The following CCSER2 variants were observed in gnomAD, a reference collection of about 807,000 sequenced individuals.
CCSER2 encodes the protein coiled-coil serine rich protein 2.
In CCSER2, 46 loss-of-function variants were observed where a neutral mutation model predicts 92.3. That is an observed-to-expected ratio of 0.50 (90% CI 0.39 to 0.64). The LOEUF (loss-of-function observed/expected upper bound fraction) is 0.64, where lower values mean the gene tolerates loss of function less well. CCSER2 is among the 30% of genes least tolerant of loss of function. CCSER2 has a pLI of 0.00. For synonymous variants in CCSER2, 433 were observed against 431.4 expected (o/e 1.00, Z -0.04); for missense variants, 1,244 against 1,238.9 (o/e 1.00, Z -0.06).
chr10:84,506,141 T>TAA (rs3044062), intron 9 of CCSER2, among the ~76,000 whole-genome samples: 51,078 of 145,760 alleles, frequency 0.35, 10,427 homozygotes, highest in Non-Finnish European at 0.47. Context: ...CTTTGATACT[T>TAA]AAAAAAAAAA....
chr10:84,373,552 A>G, intron 2 of CCSER2, 67 bp from the exon 3 acceptor site: 1 of 1,207,024 alleles, frequency 8.3e-7, no homozygotes, highest in South Asian at 1.4e-5. Context: ...AATTATTAGC[A>G]CTTATATTTT....
At position 84,484,454 on chromosome 10, in the gene CCSER2, T is replaced by A. The variant is rs181920736; in HGVS notation, c.2325+6790T>A. On this transcript the variant is annotated intron_variant, in intron 9 of 9. Transcript: ENST00000372088. Reference sequence around the variant, plus strand: ...TTTAAATTTTAATGAGCCCATTTATTTCTCTGGAGAGACGTTGCATGCATG... The same window carrying A: ...TTTAAATTTTAATGAGCCCATTTATATCTCTGGAGAGACGTTGCATGCATG... Among the ~76,000 whole-genome samples the A allele has an allele frequency of 4.6e-5, 7 of 151,710 alleles. No individual in the cohort carries two copies. The East Asian group carries it at 1.4e-3, about 29-fold the overall frequency.
At chr10:84,378,432 A>ATTTTTT (rs386371982) in intron 3 of CCSER2, among the ~76,000 whole-genome samples, 3 of 135,936 alleles carry the variant, frequency 2.2e-5, no homozygotes, top group Non-Finnish European at 4.7e-5. Flanking sequence ...TTAAAATTAA[A>ATTTTTT]TTTTTTTTTT....
intron 1 of CCSER2, among the ~76,000 whole-genome samples, 163 bp downstream of exon 1, chr10:84,328,971 CCCTCGCG>C (rs1564569109): frequency 6.6e-6 from 1 of 151,724 alleles, no homozygotes; most frequent in Non-Finnish European, 1.5e-5. Flanking sequence ...CCTCTCTAGC[CCCTCGCG>C]AGCCGCCGGA....
rs1028942695 is a variant in CCSER2 at position 84,464,001 on chromosome 10, T to C, written c.2133T>C (p.Gly711=). The C allele has an allele frequency of 2.5e-6, 4 of 1,602,962 alleles. No individual in the cohort carries two copies. The highest frequency in any genetic ancestry group is 1.3e-5 in the African/African-American group (1 of 74,676). Residue 711 remains glycine (G), a synonymous_variant, in exon 7 of 10, where the codon GGT becomes GGC. Transcript: ENST00000372088. ...CATCCAGTCCAGAACCAGAAGATGG[T>C]GATAAAGTATATAAGGTATGACTAT... ...SLPSSPEPED[G]DKVYKNEDLL... is the part of the protein sequence containing the mutation.
intron 5 of CCSER2, among the ~76,000 whole-genome samples, chr10:84,429,687 G>A (rs371055699): frequency 1.2e-4 from 16 of 138,756 alleles, no homozygotes; most frequent in South Asian, 6.7e-4. Flanking sequence ...ATTATAATGC[G>A]CCTCTCTTTT....
chr10:84,339,846 T>A (rs1844073683), intron 1 of CCSER2, among the ~76,000 whole-genome samples: 2 of 151,668 alleles, frequency 1.3e-5, no homozygotes, highest in Admixed American at 6.6e-5. Flanking sequence ...CTTTTTTATT[T>A]TTTTATTTTT....
chr10:84,465,257 G>C (rs1334916322), intron 7 of CCSER2, among the ~76,000 whole-genome samples: 1 of 55,544 alleles, frequency 1.8e-5, no homozygotes, highest in Non-Finnish European at 3.0e-5. Flanking sequence ...GTGTGTGTGT[G>C]TGTGTGTGTG....
chr10:84,372,891 A>G (rs1342483826), intron 2 of CCSER2, among the ~76,000 whole-genome samples: 1 of 152,120 alleles, frequency 6.6e-6, no homozygotes, highest in African/African-American at 2.4e-5. Flanking sequence ...GTTATGTCTA[A>G]TCTCACGGAT....
chr10:84,457,274 ATATATTATATATTATATATTATAT>A (rs1564684567), intron 6 of CCSER2, among the ~76,000 whole-genome samples: 1 of 2,090 alleles, frequency 4.8e-4, no homozygotes, highest in Non-Finnish European at 1.2e-3. Flanking sequence ...ATTATATATA[ATATATTATATATTATATATTATAT>A]ATAATATGTT....
intron 5 of CCSER2, among the ~76,000 whole-genome samples, chr10:84,430,371 T>A (rs1037860416): frequency 6.6e-6 from 1 of 152,232 alleles, no homozygotes; most frequent in African/African-American, 2.4e-5. Context: ...CTTGTGGACA[T>A]TTCTTTCCTC....
chr10:84,405,680 A>C (rs983269076), intron 3 of CCSER2, among the ~76,000 whole-genome samples: 3 of 152,228 alleles, frequency 2.0e-5, no homozygotes, highest in African/African-American at 7.2e-5. Flanking sequence ...AAAAGGATGT[A>C]AGAGTGGCAC....
At chr10:84,473,059 T>G (rs1350048292) in intron 8 of CCSER2, 1 of 152,216 alleles carries the variant, frequency 6.6e-6, no homozygotes, top group Non-Finnish European at 1.5e-5. Context: ...CTGAATAATA[T>G]CTCATCTTGA....
At chr10:84,501,845 A>G (rs1343114109) in intron 9 of CCSER2, among the ~76,000 whole-genome samples, 2 of 107,514 alleles carry the variant, frequency 1.9e-5, no homozygotes, top group African/African-American at 5.8e-5. Flanking sequence ...ATATATATAT[A>G]TATATATATA....
chr10:84,342,624 C>T (rs945689857), intron 1 of CCSER2, among the ~76,000 whole-genome samples: 27 of 152,182 alleles, frequency 1.8e-4, no homozygotes, highest in Admixed American at 1.6e-3. Flanking sequence ...CTTTTCTTGT[C>T]TTCTGCTACA....
intron 3 of CCSER2, among the ~76,000 whole-genome samples, chr10:84,395,266 T>G (rs1841769819): frequency 6.6e-6 from 1 of 151,902 alleles, no homozygotes; most frequent in Admixed American, 6.6e-5. Context: ...TATGTTCCTT[T>G]TACCTAGCAT....
At position 84,391,199 on chromosome 10, in the gene CCSER2, A is replaced by ACCCT. The variant is rs1316550378; in HGVS notation, c.1614+17385_1614+17386insCCTC. 1,552 of 964,738 alleles carry ACCCT rather than the reference A, an allele frequency of 1.6e-3. 17 individuals are homozygous for ACCCT. Among genetic ancestry groups the ACCCT allele is most frequent in the Non-Finnish European group, 8.8e-5 (52 of 588,052 alleles). The allele number at this position is 964,738 out of a possible 1,614,324, so 59.8% of individuals were successfully genotyped here. ...GCACTGCAGTCTGGCTTTCTTCCAT[A>ACCCT]CTGTGAACCTGTGTAAGAGACAATG... On this transcript the variant is annotated intron_variant, in intron 3 of 9. Coordinates refer to ENST00000372088, the MANE Select transcript of CCSER2 (RefSeq NM_001284240.2).
At chr10:84,457,293 T>TAAA (rs1564684820) in intron 6 of CCSER2, among the ~76,000 whole-genome samples, 3 of 78,982 alleles carry the variant, frequency 3.8e-5, no homozygotes, top group Admixed American at 2.5e-4. Flanking sequence ...ATATTATATA[T>TAAA]TATATATAAT....
intron 1 of CCSER2, among the ~76,000 whole-genome samples, chr10:84,343,250 T>C (rs10509492): frequency 0.1 from 15,174 of 152,280 alleles, 956 homozygotes; most frequent in Admixed American, 0.15. Context: ...CCATCTTAGT[T>C]AATGATACTG....
Sources: allele counts gnomAD v4.1 joint callset (sites outside exome capture counted in the v4.1 genomes callset), GRCh38; gene constraint gnomAD v4.1.1; transcripts MANE v1.5; gene names NCBI Gene and HGNC (gene_info 2026-07-23, HGNC 2026-07-21).